LMNB2: variants seen among roughly 807,000 people sequenced by gnomAD.
The protein encoded by LMNB2 is lamin-B2.
A neutral mutation model predicts 69.3 loss-of-function variants in LMNB2; 17 were observed. That is an observed-to-expected ratio of 0.25 (90% CI 0.17 to 0.37). The LOEUF (loss-of-function observed/expected upper bound fraction) is 0.37, where lower values mean the gene tolerates loss of function less well. Among genes scored for constraint, LMNB2 ranks in the 10% least tolerant of loss-of-function variants. LMNB2 has a pLI of 1.00. For missense variants in LMNB2, 789 were observed against 883.6 expected, an observed-to-expected ratio of 0.89 and a Z score of 1.36; for synonymous variants, 397 against 389.3, an observed-to-expected ratio of 1.02 and a Z score of -0.23.
At chr19:2,433,500 A>T (rs12974539) in intron 8 of LMNB2, among the ~76,000 whole-genome samples, 36 of 41,874 alleles carry the variant, frequency 8.6e-4, no homozygotes, top group East Asian at 1.8e-3. Flanking sequence ...TGCCCCGGTC[A>T]TTCCGGTCAC....
At chr19:2,438,811 AC>A (rs1196785434) in intron 2 of LMNB2, among the ~76,000 whole-genome samples, 1 of 152,250 alleles carries the variant, frequency 6.6e-6, no homozygotes, top group Middle Eastern at 3.4e-3. Context: ...CCTGTTCTGG[AC>A]CCAGGACGAC....
Position 2,430,157 on chromosome 19 carries a change from T to C in LMNB2, c.*754A>G, listed in dbSNP as rs1264529595. ...CCTCCACATCTCCCCTCCCTGCTTA[T>C]TGTTGTGACAGGTCTTACGACGGGA... is the stretch of plus-strand genomic sequence containing the variant. On this transcript the variant is annotated 3_prime_UTR_variant, in exon 12 of 12. Transcript: ENST00000325327. The C allele has an allele frequency of 6.5e-6, 1 of 154,152 alleles. No homozygotes were observed. The highest frequency in any genetic ancestry group is 2.4e-5 in the African/African-American group (1 of 41,478). 9.5% of individuals were successfully genotyped at this position (154,152 alleles called of 1,614,324 possible). A position where few individuals can be genotyped will look rare whatever the true frequency, so the allele number is the denominator to read the frequency against.
chr19:2,434,932 G>A lies in LMNB2; in HGVS notation c.856-19C>T, dbSNP rs753974434. ...TGTCCAGCTGTGGGGAGACGGGCGG[G>A]TGAGTGCGGGCGCGGGGCGGGGCGG... On this transcript the variant is annotated intron_variant, in intron 5 of 11. Coordinates refer to ENST00000325327, the MANE Select transcript of LMNB2 (RefSeq NM_032737.4). 1 of 1,595,852 alleles carries A rather than the reference G, an allele frequency of 6.3e-7. No homozygotes were observed. The highest frequency in any genetic ancestry group is 1.7e-5 in the Admixed American group (1 of 59,004).
chr19:2,449,608 T>C (rs1219427995), intron 1 of LMNB2, among the ~76,000 whole-genome samples: 2 of 151,816 alleles, frequency 1.3e-5, no homozygotes, highest in East Asian at 1.9e-4. Context: ...GGTGAAACCC[T>C]GTCTCTATTA....
At position 2,436,431 on chromosome 19, in the gene LMNB2, C is replaced by T. The variant is rs1055219216; in HGVS notation, c.685-1260G>A. On this transcript the variant is annotated intron_variant, in intron 4 of 11. Coordinates refer to ENST00000325327, the MANE Select transcript of LMNB2 (RefSeq NM_032737.4). ...CAAAACAAAAACAGTAGAAACGCTTCTGAAGGAAGCTGGCCACCTTTGCAG... is the reference window on the plus strand; with the variant it reads ...CAAAACAAAAACAGTAGAAACGCTTTTGAAGGAAGCTGGCCACCTTTGCAG... Among the ~76,000 whole-genome samples the T allele has an allele frequency of 5.6e-5, 8 of 144,072 alleles. No homozygotes were observed. In the Middle Eastern group the frequency reaches 0.011, roughly 190 times the overall value. The allele number at this position is 144,072 out of a possible 152,430, so 94.5% of individuals were successfully genotyped here. A position where few individuals can be genotyped will look rare whatever the true frequency, so the allele number is the denominator to read the frequency against.
intron 4 of LMNB2, among the ~76,000 whole-genome samples, chr19:2,436,494 G>C (rs1037144019): frequency 2.0e-5 from 3 of 151,844 alleles, no homozygotes; most frequent in Non-Finnish European, 4.4e-5. Context: ...AGAGCCCTGC[G>C]GGCCGCGCAC....
intron 1 of LMNB2, among the ~76,000 whole-genome samples, chr19:2,449,146 C>T (rs546062150): frequency 2.0e-5 from 3 of 152,204 alleles, no homozygotes; most frequent in Non-Finnish European, 4.4e-5. Context: ...ATCTGCCTGC[C>T]CCAGCCTCCC....
intron 2 of LMNB2, among the ~76,000 whole-genome samples, chr19:2,442,674 G>A (rs1026680492): frequency 1.3e-5 from 2 of 152,132 alleles, no homozygotes; most frequent in Non-Finnish European, 2.9e-5. Flanking sequence ...CTGAGCCTGG[G>A]AGTTCGAGGC....
chr19:2,450,121 C>CATATATATATATATATATATATATAT (rs944605865), intron 1 of LMNB2, among the ~76,000 whole-genome samples: 2 of 142,364 alleles, frequency 1.4e-5, no homozygotes, highest in African/African-American at 5.2e-5. Context: ...TATATATACA[C>CATATATATATATATATATATATATAT]ATATATATAT....
At chr19:2,452,359 A>G (rs1972031927) in intron 1 of LMNB2, among the ~76,000 whole-genome samples, 1 of 151,588 alleles carries the variant, frequency 6.6e-6, no homozygotes, top group South Asian at 2.1e-4. Flanking sequence ...CCTTGAACCC[A>G]GGAGGTAGAG....
At chr19:2,454,143 A>G (rs1972061410) in intron 1 of LMNB2, among the ~76,000 whole-genome samples, 1 of 151,942 alleles carries the variant, frequency 6.6e-6, no homozygotes, top group East Asian at 1.9e-4. Context: ...AAATACAAAA[A>G]TGAGCCGGGC....
At chr19:2,448,033 G>T (rs1218014640) in intron 1 of LMNB2, among the ~76,000 whole-genome samples, 1 of 152,220 alleles carries the variant, frequency 6.6e-6, no homozygotes, top group Non-Finnish European at 1.5e-5. Context: ...GGTCTGCGGG[G>T]ACCAATTGTA....
At chr19:2,441,104 C>T (rs1971894927) in intron 2 of LMNB2, among the ~76,000 whole-genome samples, 1 of 152,276 alleles carries the variant, frequency 6.6e-6, no homozygotes, top group Non-Finnish European at 1.5e-5. Flanking sequence ...ATACCCTGGA[C>T]ACAGGTCAGA....
chr19:2,438,565 GC>G (rs768585335), intron 2 of LMNB2, 34 bp from the exon 3 acceptor site: 1 of 1,601,258 alleles, frequency 6.2e-7, no homozygotes, highest in South Asian at 1.1e-5. Flanking sequence ...GTGGGGAGGG[GC>G]AAGGTCCATG....
At chr19:2,448,258 G>C (rs1029867241) in intron 1 of LMNB2, among the ~76,000 whole-genome samples, 1 of 152,170 alleles carries the variant, frequency 6.6e-6, no homozygotes, top group African/African-American at 2.4e-5. Flanking sequence ...GGTGGTGTCT[G>C]CCTCTCCCTC....
chr19:2,434,419 T>C lies in LMNB2; in HGVS notation c.1078A>G (p.Met360Val), dbSNP rs1971793673. 2 of 1,613,308 alleles carry C rather than the reference T, an allele frequency of 1.2e-6. No individual in the cohort carries two copies. Among genetic ancestry groups the C allele is most frequent in the South Asian group, 1.1e-5 (1 of 91,082 alleles). ...RKMLDAKEQEMTEMRDVMQQQ... is the reference protein window; with the variant it reads ...RKMLDAKEQEVTEMRDVMQQQ... ...TGCATCACGTCCCGCATCTCCGTCATCTCCTGCTCCTTGGCGTCCAGCATC... is the reference window on the plus strand; with the variant it reads ...TGCATCACGTCCCGCATCTCCGTCACCTCCTGCTCCTTGGCGTCCAGCATC... Residue 360 changes from methionine to valine, a missense_variant, in exon 7 of 12, where the codon ATG (methionine) becomes GTG (valine). This residue lies in a region of LMNB2 where 609 missense variants were observed against 630.9 expected (regional missense o/e 0.97). Transcript: ENST00000325327.
rs780561828 is a variant in LMNB2, at chr19:2,431,914, A to G, written c.1591-12T>C. 8 of 1,608,056 alleles carry G rather than the reference A, an allele frequency of 5.0e-6. No homozygotes were observed. Among genetic ancestry groups the G allele is most frequent in the Middle Eastern group, 3.3e-4 (2 of 6,044 alleles). ...CCAGCTGCCCACACCTGAGGACCCA[A>G]TAACAATGGCCCCATCAGGGTCACC... On this transcript the variant is annotated splice_polypyrimidine_tract_variant and intron_variant, in intron 9 of 11. Coordinates refer to ENST00000325327, the MANE Select transcript of LMNB2 (RefSeq NM_032737.4).
chr19:2,444,478 C>G lies in LMNB2; in HGVS notation c.327G>C (p.Glu109Asp). The change falls in exon 2 of 12, where the codon GAG (glutamate) becomes GAC (aspartate). Residue 109 changes from glutamate to aspartate, a missense_variant. This residue lies in a region of LMNB2 where 145 missense variants were observed against 228.9 expected (regional missense o/e 0.63). Coordinates refer to ENST00000325327, the MANE Select transcript of LMNB2 (RefSeq NM_032737.4). ...ELADARRVLD[E>D]TARERARLQI... is the part of the protein sequence containing the mutation. ...GCAGCCGGGCACGCTCTCGAGCCGT[C>G]TCATCCAGGACTCTCCGGGCATCGG... is the stretch of plus-strand genomic sequence containing the variant. The G allele has an allele frequency of 6.2e-7, 1 of 1,613,614 alleles. No homozygotes were observed. The highest frequency in any genetic ancestry group is 1.1e-5 in the South Asian group (1 of 91,090).
rs746900766 is a variant in LMNB2, at chr19:2,435,136, G to A, written c.720C>T (p.Arg240=). ...VRETRRRHER[R]LVEVDSSRQQ... Reference sequence around the variant, plus strand: ...GCCGGCTGCTGTCCACCTCCACCAGGCGCCGCTCGTGCCGCCGCCGCGTCT... The same window carrying A: ...GCCGGCTGCTGTCCACCTCCACCAGACGCCGCTCGTGCCGCCGCCGCGTCT... Residue 240 remains arginine, a synonymous_variant, in exon 5 of 12, where the codon CGC becomes CGT. Transcript: ENST00000325327. 7 of 1,606,006 alleles carry A rather than the reference G, an allele frequency of 4.4e-6. No individual in the cohort carries two copies. Among genetic ancestry groups the A allele is most frequent in the Non-Finnish European group, 4.2e-6 (5 of 1,179,646 alleles).
Sources: allele counts gnomAD v4.1 joint callset (sites outside exome capture counted in the v4.1 genomes callset), GRCh38; gene constraint gnomAD v4.1.1; regional missense constraint gnomAD v4.1.1; transcripts MANE v1.5; gene names NCBI Gene and HGNC (gene_info 2026-07-23, HGNC 2026-07-21).